Variants in PHACTR3 observed in about 807,000 individuals in gnomAD.
The protein encoded by PHACTR3 is protein phosphatase 1, regulatory subunit 123.
In PHACTR3, 16 loss-of-function variants were observed where a neutral mutation model predicts 66.8. That is an observed-to-expected ratio of 0.24 (90% CI 0.16 to 0.36). The LOEUF (loss-of-function observed/expected upper bound fraction) is 0.36. Ranked by LOEUF, PHACTR3 falls within the 10% of genes least tolerant of loss-of-function variation. The pLI is 1.00. For synonymous variants in PHACTR3, 323 were observed against 292.1 expected (o/e 1.11, Z -1.08); for missense variants, 647 against 719.9 (o/e 0.90, Z 1.16).
rs550588929 is a variant in PHACTR3 at position 59,584,110 on chromosome 20, G to C, written c.109+6493G>C. Among the ~76,000 whole-genome samples the C allele has an allele frequency of 2.6e-5, 4 of 152,358 alleles. No homozygotes were observed. The East Asian group carries it at 5.8e-4, about 22-fold the overall frequency. ...GCAAGAAGGTGTCGTACTGGTGCCC[G>C]TGTGTGCAACGGGGCAGCCCTGACT... On this transcript the variant is annotated intron_variant, in intron 1 of 12. Transcript: ENST00000359926.
intron 1 of PHACTR3, among the ~76,000 whole-genome samples, chr20:59,598,261 A>T (rs2033381350): frequency 6.6e-6 from 1 of 152,224 alleles, no homozygotes; most frequent in African/African-American, 2.4e-5. Context: ...GAAGGAGAAT[A>T]TCAAAGGGCA....
intron 11 of PHACTR3, among the ~76,000 whole-genome samples, chr20:59,842,785 T>C (rs2059087511): frequency 1.3e-5 from 2 of 152,174 alleles, no homozygotes; most frequent in South Asian, 4.1e-4. Context: ...TTGGTCCGTT[T>C]AGGTATGGAG....
intron 1 of PHACTR3, among the ~76,000 whole-genome samples, chr20:59,597,067 G>A (rs75769930): frequency 0.013 from 2,014 of 152,360 alleles, 44 homozygotes; most frequent in African/African-American, 0.044. Context: ...TTTGTAAGCC[G>A]GGGTTGCTGG....
At chr20:59,656,459 T>C (rs935538241) in intron 1 of PHACTR3, among the ~76,000 whole-genome samples, 5 of 151,998 alleles carry the variant, frequency 3.3e-5, no homozygotes, top group Non-Finnish European at 7.4e-5. Context: ...GAATAGCCAC[T>C]CTAGCTTTTG....
rs1600896315 is a variant in PHACTR3, at chr20:59,604,820, T to C, written c.-195T>C. On this transcript the variant is annotated 5_prime_UTR_variant, in exon 1 of 13. Coordinates refer to ENST00000371015, the MANE Select transcript of PHACTR3 (RefSeq NM_080672.5). Reference sequence around the variant, plus strand: ...CTGGCTGCAGCCGGCGAGGCTATTGTCTCCCCGCCCTGAAGCCAGCCCCGG... The same window carrying C: ...CTGGCTGCAGCCGGCGAGGCTATTGCCTCCCCGCCCTGAAGCCAGCCCCGG... 1 of 1,207,574 alleles carries C rather than the reference T, an allele frequency of 8.3e-7. No individual in the cohort carries two copies. Among genetic ancestry groups the C allele is most frequent in the Non-Finnish European group, 1.0e-6 (1 of 975,452 alleles). The allele number at this position is 1,207,574 out of a possible 1,614,324, so 74.8% of individuals were successfully genotyped here.
rs752894094 is a variant in PHACTR3 at position 59,749,524 on chromosome 20, C to T, written c.358+1689C>T. Among the ~76,000 whole-genome samples the T allele has an allele frequency of 2.8e-4, 42 of 152,310 alleles. 1 individual carries two copies. The highest frequency in any genetic ancestry group is 6.8e-3 in the Middle Eastern group (2 of 294). The stretch of plus-strand genomic sequence containing the variant: ...TGACAGTGTGGCTCTCACCCTGCTG[C>T]CGTGGGAGCCTGGTCTCTGGCTTCC... On this transcript the variant is annotated intron_variant, in intron 3 of 12. Transcript: ENST00000371015.
Position 59,755,186 on chromosome 20 carries a change from T to G in PHACTR3, c.363T>G (p.Ala121=). ...KGLLEMMEQD[A]ESKTCNPDGG... ...GACAGCTACATTTCCTTGTAGATGC[T>G]GAAAGCAAAACTTGCAACCCCGATG... The change falls in exon 4 of 13, where the codon GCT becomes GCG. Residue 121 remains alanine (A), a synonymous_variant. Coordinates refer to ENST00000371015, the MANE Select transcript of PHACTR3 (RefSeq NM_080672.5). 4 of 1,612,018 alleles carry G rather than the reference T, an allele frequency of 2.5e-6. No individual in the cohort carries two copies. Among genetic ancestry groups the G allele is most frequent in the Non-Finnish European group, 3.4e-6 (4 of 1,179,770 alleles).
At chr20:59,694,607 A>C (rs756196073) in intron 1 of PHACTR3, among the ~76,000 whole-genome samples, 1 of 152,266 alleles carries the variant, frequency 6.6e-6, no homozygotes, top group South Asian at 2.1e-4. Context: ...TTATTCTTCA[A>C]CAAGCTAGGT....
At chr20:59,634,743 C>T (rs549687916) in intron 1 of PHACTR3, among the ~76,000 whole-genome samples, 13 of 152,340 alleles carry the variant, frequency 8.5e-5, no homozygotes, top group African/African-American at 2.9e-4. Context: ...TCCAGCAGAA[C>T]GTCCTGTGAT....
intron 1 of PHACTR3, among the ~76,000 whole-genome samples, chr20:59,702,734 A>C (rs2037551599): frequency 6.6e-6 from 1 of 151,994 alleles, no homozygotes; most frequent in Admixed American, 6.6e-5. Context: ...TAGTCTGACT[A>C]CTCCAGTGCT....
chr20:59,765,759 A>G (rs929669628), intron 4 of PHACTR3, among the ~76,000 whole-genome samples: 1 of 152,156 alleles, frequency 6.6e-6, no homozygotes, highest in Non-Finnish European at 1.5e-5. Context: ...CATGGACAGC[A>G]CCCAACAGCT....
intron 1 of PHACTR3, among the ~76,000 whole-genome samples, chr20:59,588,893 G>A (rs533908711): frequency 6.6e-6 from 1 of 152,384 alleles, no homozygotes; most frequent in Admixed American, 6.5e-5. Flanking sequence ...GCCCGTTGCC[G>A]AATGAAGGGT....
At chr20:59,804,146 A>C (rs1275253319) in intron 7 of PHACTR3, among the ~76,000 whole-genome samples, 1 of 152,198 alleles carries the variant, frequency 6.6e-6, no homozygotes, top group East Asian at 1.9e-4. Context: ...ACCTTGGTGA[A>C]GATCAGTCAG....
At chr20:59,615,743 C>G (rs1318307048) in intron 1 of PHACTR3, among the ~76,000 whole-genome samples, 3 of 152,160 alleles carry the variant, frequency 2.0e-5, no homozygotes. Flanking sequence ...ATACATGGGA[C>G]CTCTTAGGGC....
At chr20:59,593,523 A>G (rs2033245933) in intron 1 of PHACTR3, among the ~76,000 whole-genome samples, 1 of 151,828 alleles carries the variant, frequency 6.6e-6, no homozygotes, top group African/African-American at 2.4e-5. Flanking sequence ...TATATCAATT[A>G]TTTCTTTCAA....
At chr20:59,837,196 AGT>A (rs1362114453) in intron 9 of PHACTR3, among the ~76,000 whole-genome samples, 2 of 152,224 alleles carry the variant, frequency 1.3e-5, no homozygotes, top group Non-Finnish European at 2.9e-5. Context: ...CTCTTGAAAA[AGT>A]GTTTCTCCAA....
chr20:59,817,438 C>T (rs1366867696), intron 8 of PHACTR3, among the ~76,000 whole-genome samples: 1 of 152,276 alleles, frequency 6.6e-6, no homozygotes, highest in Non-Finnish European at 1.5e-5. Context: ...TGGAAACAAG[C>T]TACTCCTAAA....
chr20:59,739,290 G>C (rs774502412), intron 1 of PHACTR3, among the ~76,000 whole-genome samples: 8 of 152,142 alleles, frequency 5.3e-5, no homozygotes, highest in Non-Finnish European at 1.0e-4. Flanking sequence ...TCCCCATGGG[G>C]CTGCTTTGTG....
intron 1 of PHACTR3, among the ~76,000 whole-genome samples, chr20:59,671,489 C>G (rs1441647158): frequency 6.6e-6 from 1 of 152,196 alleles, no homozygotes; most frequent in South Asian, 2.1e-4. Context: ...AACAGGTGGC[C>G]CGTGGGCCTA....
Sources: gnomAD v4.1 joint callset for allele counts (sites outside exome capture counted in the v4.1 genomes callset) on GRCh38, gnomAD v4.1.1 for gene constraint, MANE v1.5 for transcripts, NCBI Gene and HGNC (gene_info 2026-07-23, HGNC 2026-07-21) for gene names.